GNB2: variants seen among roughly 807,000 people sequenced by gnomAD.
GNB2 encodes guanine nucleotide-binding protein G(I)/G(S)/G(T) subunit beta-2.
GNB2 carries 7 observed loss-of-function variants against 40.7 expected under a neutral mutation model. The ratio of observed to expected loss-of-function variants is 0.17; its 90% CI spans 0.10 to 0.32. The LOEUF (loss-of-function observed/expected upper bound fraction) is 0.32, where lower values mean the gene tolerates loss of function less well. GNB2 is among the 10% of genes least tolerant of loss of function. GNB2 has a pLI of 1.00. For missense variants in GNB2, 286 were observed against 473.0 expected (o/e 0.60, Z 3.67); for synonymous variants, 254 against 191.2 (o/e 1.33, Z -2.71).
At position 100,678,429 on chromosome 7, in the gene GNB2, G is replaced by T. The variant is rs757652261; in HGVS notation, c.731G>T (p.Gly244Val). The change falls in exon 9 of 10, where the codon GGC (glycine) becomes GTC (valine). Residue 244 changes from glycine to valine, a missense_variant. Coordinates refer to ENST00000303210, the MANE Select transcript of GNB2 (RefSeq NM_005273.4). Reference protein sequence around the residue: ...FFPNGYAFTTGSDDATCRLFD... With the variant: ...FFPNGYAFTTVSDDATCRLFD... ...CCCAACGGCTACGCCTTCACCACCG[G>T]CTCTGACGACGCCACGTGCCGCCTC... is the stretch of plus-strand genomic sequence containing the variant. 1 of 1,613,612 alleles carries T rather than the reference G, an allele frequency of 6.2e-7. No individual in the cohort carries two copies.
chr7:100,676,468 CTCT>C, intron 2 of GNB2, 64 bp from the exon 3 acceptor site: 1 of 1,417,604 alleles, frequency 7.1e-7, no homozygotes, highest in East Asian at 2.3e-5. Context: ...GTCTTCTGTT[CTCT>C]TCTCTCCCTT....
rs575252465 is a variant in GNB2, at chr7:100,678,970, A to T, written c.*169A>T. Reference sequence around the variant, plus strand: ...TCCTCCCGGGGCCCCCACTGTGGAGATAAGAAGGGGATGGAATGGGGGAAG... The same window carrying T: ...TCCTCCCGGGGCCCCCACTGTGGAGTTAAGAAGGGGATGGAATGGGGGAAG... On this transcript the variant is annotated 3_prime_UTR_variant, in exon 10 of 10. Coordinates refer to ENST00000303210, the MANE Select transcript of GNB2 (RefSeq NM_005273.4). The T allele has an allele frequency of 1.7e-6, 1 of 600,158 alleles. No individual in the cohort carries two copies. Among genetic ancestry groups the T allele is most frequent in the South Asian group, 2.0e-5 (1 of 49,396 alleles). The allele number at this position is 600,158 out of a possible 1,614,324, so 37.2% of individuals were successfully genotyped here.
Position 100,678,861 on chromosome 7 carries a change from C to A in GNB2, c.*60C>A. ...GCCCTGCCCATGCCCACACTACAGG[C>A]CAGGGCTGCGGGGCTGGCGCAATCC... On this transcript the variant is annotated 3_prime_UTR_variant, in exon 10 of 10. Coordinates refer to ENST00000303210, the MANE Select transcript of GNB2 (RefSeq NM_005273.4). 1 of 1,320,268 alleles carries A rather than the reference C, an allele frequency of 7.6e-7. No individual in the cohort carries two copies. Among genetic ancestry groups the A allele is most frequent in the Non-Finnish European group, 1.1e-6 (1 of 922,274 alleles). 81.8% of individuals were successfully genotyped at this position (1,320,268 alleles called of 1,614,324 possible). A position where few individuals can be genotyped will look rare whatever the true frequency, so the allele number is the denominator to read the frequency against.
At position 100,676,788 on chromosome 7, in the gene GNB2, G is replaced by T; in HGVS notation, c.192G>T (p.Gly64=). 6.3e-7 allele frequency: 1 copy of T among 1,579,760 alleles called. No individual in the cohort carries two copies. Among genetic ancestry groups the T allele is most frequent in the Non-Finnish European group, 8.6e-7 (1 of 1,161,214 alleles). ...CAAAGATCTATGCCATGCACTGGGG[G>T]ACCGACTCAAGGTGTGTGTGTGTGC... ...HLAKIYAMHW[G]TDSRLLVSAS... is the part of the protein sequence containing the mutation. Residue 64 remains glycine (G), a synonymous_variant, in exon 4 of 10, where the codon GGG becomes GGT. Coordinates refer to ENST00000303210, the MANE Select transcript of GNB2 (RefSeq NM_005273.4).
chr7:100,676,235 G>A lies in GNB2; in HGVS notation c.-31G>A, dbSNP rs1804343506. ...AGCCCCCGTCCCGCGGCCCCCAGCC[G>A]CCCCCAACCCTGCCCCACGGGCCCG... On this transcript the variant is annotated 5_prime_UTR_variant, in exon 2 of 10. Coordinates refer to ENST00000303210, the MANE Select transcript of GNB2 (RefSeq NM_005273.4). 3 of 1,383,408 alleles carry A rather than the reference G, an allele frequency of 2.2e-6. No individual in the cohort carries two copies. The highest frequency in any genetic ancestry group is 2.4e-5 in the East Asian group (1 of 41,662). 85.7% of individuals were successfully genotyped at this position (1,383,408 alleles called of 1,614,324 possible).
At position 100,678,171 on chromosome 7, in the gene GNB2, T is replaced by G. The variant is rs781614369; in HGVS notation, c.571T>G (p.Ser191Ala). Reference protein sequence around the residue: ...AGHSGDVMSLSLAPDGRTFVS... With the variant: ...AGHSGDVMSLALAPDGRTFVS... ...ACACAGTGGGGATGTGATGTCCCTG[T>G]CCCTGGCCCCCGATGGCCGCACGTT... Residue 191 changes from serine to alanine, a missense_variant, in exon 8 of 10, where the codon TCC (serine) becomes GCC (alanine). Coordinates refer to ENST00000303210, the MANE Select transcript of GNB2 (RefSeq NM_005273.4). The G allele has an allele frequency of 6.8e-6, 11 of 1,613,860 alleles. No individual in the cohort carries two copies. The highest frequency in any genetic ancestry group is 4.5e-5 in the East Asian group (2 of 44,892).
In GNB2 at chr7:100,676,333, G is replaced by T. The variant is rs776971909; in HGVS notation, c.57+11G>T. On this transcript the variant is annotated intron_variant, in intron 2 of 9. Transcript: ENST00000303210. Reference sequence around the variant, plus strand: ...CGGAACCAGATCCGGGTGAGGGCCTGGTGCGGGGCGGGCGATTCATGTGTA... The same window carrying T: ...CGGAACCAGATCCGGGTGAGGGCCTTGTGCGGGGCGGGCGATTCATGTGTA... 2 of 1,598,110 alleles carry T rather than the reference G, an allele frequency of 1.3e-6. No homozygotes were observed. The highest frequency in any genetic ancestry group is 2.2e-5 in the South Asian group (2 of 89,196).
At chr7:100,677,723 G>C (rs1385351789) in intron 6 of GNB2, 29 bp from the exon 7 acceptor site, 1 of 1,613,438 alleles carries the variant, frequency 6.2e-7, no homozygotes, top group Non-Finnish European at 8.5e-7. Flanking sequence ...CCTCCGTGTG[G>C]AGACCTGGCT....
Position 100,677,385 on chromosome 7 carries a change from C to G in GNB2, c.237C>G (p.Leu79=). ...LLVSASQDGK[L]IIWDSYTTNK... is the part of the protein sequence containing the mutation. ...TCAGCGCCTCCCAGGATGGGAAGCTCATCATCTGGGACAGCTACACCACCA... is the reference window on the plus strand; with the variant it reads ...TCAGCGCCTCCCAGGATGGGAAGCTGATCATCTGGGACAGCTACACCACCA... The change falls in exon 5 of 10, where the codon CTC becomes CTG. Residue 79 remains leucine (L), a synonymous_variant. Transcript: ENST00000303210. 1 of 1,613,978 alleles carries G rather than the reference C, an allele frequency of 6.2e-7. No individual in the cohort carries two copies. The highest frequency in any genetic ancestry group is 2.2e-5 in the East Asian group (1 of 44,878).
At position 100,676,714 on chromosome 7, in the gene GNB2, G is replaced by A. The variant is rs1180446881; in HGVS notation, c.118G>A (p.Val40Met). The A allele has an allele frequency of 6.2e-7, 1 of 1,612,064 alleles. No individual in the cohort carries two copies. The highest frequency in any genetic ancestry group is 1.3e-5 in the African/African-American group (1 of 74,926). The change falls in exon 4 of 10, where the codon GTG becomes ATG. Residue 40 changes from valine to methionine, a missense_variant. Transcript: ENST00000303210. ...LTQITAGLDP[V>M]GRIQMRTRRT... ...CCAGATCACAGCTGGGCTGGACCCA[G>A]TGGGGAGAATCCAGATGAGGACCCG... is the stretch of plus-strand genomic sequence containing the variant.
rs186190125 is a variant in GNB2 at position 100,676,834 on chromosome 7, G to A, written c.203+35G>A. The A allele has an allele frequency of 6.3e-6, 8 of 1,271,742 alleles. No homozygotes were observed. The East Asian group carries it at 9.9e-5, about 16-fold the overall frequency. The allele number at this position is 1,271,742 out of a possible 1,614,324, so 78.8% of individuals were successfully genotyped here. A position where few individuals can be genotyped will look rare whatever the true frequency, so the allele number is the denominator to read the frequency against. ...TGTGCGCGGGCTGGCGCTGTGGGCCGACTTTCTAGCAGGCCGTGGGAGCAG... is the reference window on the plus strand; with the variant it reads ...TGTGCGCGGGCTGGCGCTGTGGGCCAACTTTCTAGCAGGCCGTGGGAGCAG... On this transcript the variant is annotated intron_variant, in intron 4 of 9. Transcript: ENST00000303210.
chr7:100,676,719 G>A lies in GNB2; in HGVS notation c.123G>A (p.Gly41=). ...TQITAGLDPV[G]RIQMRTRRTL... is the part of the protein sequence containing the mutation. Reference sequence around the variant, plus strand: ...TCACAGCTGGGCTGGACCCAGTGGGGAGAATCCAGATGAGGACCCGGAGGA... The same window carrying A: ...TCACAGCTGGGCTGGACCCAGTGGGAAGAATCCAGATGAGGACCCGGAGGA... The change falls in exon 4 of 10, where the codon GGG becomes GGA. Residue 41 remains glycine (G), a synonymous_variant. Coordinates refer to ENST00000303210, the MANE Select transcript of GNB2 (RefSeq NM_005273.4). 1 of 1,612,050 alleles carries A rather than the reference G, an allele frequency of 6.2e-7. No individual in the cohort carries two copies. The highest frequency in any genetic ancestry group is 8.5e-7 in the Non-Finnish European group (1 of 1,178,904).
chr7:100,677,316 C>T, intron 4 of GNB2, 36 bp from the exon 5 acceptor site: 1 of 1,572,606 alleles, frequency 6.4e-7, no homozygotes, highest in South Asian at 1.1e-5. Context: ...TGTTTTCACG[C>T]CACCCTTCTG....
chr7:100,677,948 G>A, intron 7 of GNB2, 130 bp downstream of exon 7: 1 of 1,006,148 alleles, frequency 9.9e-7, no homozygotes, highest in East Asian at 2.5e-5. Context: ...GGGGGTCAGG[G>A]AGGGATGCGT....
Position 100,678,695 on chromosome 7 carries a change from G to T in GNB2, c.917G>T (p.Gly306Val). The T allele has an allele frequency of 6.2e-7, 1 of 1,613,060 alleles. No individual in the cohort carries two copies. Among genetic ancestry groups the T allele is most frequent in the Non-Finnish European group, 8.5e-7 (1 of 1,179,478 alleles). Residue 306 changes from glycine (G) to valine (V), a missense_variant and splice_region_variant, in exon 10 of 10, where the codon GGA (glycine) becomes GTA (valine). By Grantham distance (109) the Gly-to-Val change is moderately radical. Transcript: ENST00000303210. ...GTTCTGACTTCTCTCTTCTTCACAGGAGTCCTCGCTGGCCACGACAACCGC... is the reference window on the plus strand; with the variant it reads ...GTTCTGACTTCTCTCTTCTTCACAGTAGTCCTCGCTGGCCACGACAACCGC... ...IWDAMKGDRAGVLAGHDNRVS... is the reference protein window; with the variant it reads ...IWDAMKGDRAVVLAGHDNRVS...
In GNB2 at chr7:100,678,879, C is replaced by G; in HGVS notation, c.*78C>G. Reference sequence around the variant, plus strand: ...CTACAGGCCAGGGCTGCGGGGCTGGCGCAATCCCAGCCCCCTTCCCCGGGC... The same window carrying G: ...CTACAGGCCAGGGCTGCGGGGCTGGGGCAATCCCAGCCCCCTTCCCCGGGC... On this transcript the variant is annotated 3_prime_UTR_variant, in exon 10 of 10. Coordinates refer to ENST00000303210, the MANE Select transcript of GNB2 (RefSeq NM_005273.4). 8.8e-7 allele frequency: 1 copy of G among 1,136,388 alleles called. No individual in the cohort carries two copies. Among genetic ancestry groups the G allele is most frequent in the South Asian group, 1.3e-5 (1 of 75,410 alleles). The allele number at this position is 1,136,388 out of a possible 1,614,324, so 70.4% of individuals were successfully genotyped here. A position where few individuals can be genotyped will look rare whatever the true frequency, so the allele number is the denominator to read the frequency against.
At position 100,674,401 on chromosome 7, in the gene GNB2, C is replaced by T. The variant is rs185855674; in HGVS notation, c.-90+478C>T. On this transcript the variant is annotated intron_variant, in intron 1 of 9. Coordinates refer to ENST00000303210, the MANE Select transcript of GNB2 (RefSeq NM_005273.4). ...CCCTTCCTTTCGTCTCCACCCTACCCACGATTTGGGTGCTGCCCGTGGTTT... is the reference window on the plus strand; with the variant it reads ...CCCTTCCTTTCGTCTCCACCCTACCTACGATTTGGGTGCTGCCCGTGGTTT... 4.9e-3 allele frequency among the ~76,000 whole-genome samples: 748 copies of T among 152,322 alleles called. 10 individuals carry two copies. The highest frequency in any genetic ancestry group is 0.017 in the African/African-American group (711 of 41,562).
At chr7:100,676,366 C>T (rs747577659) in intron 2 of GNB2, 44 bp downstream of exon 2, 4 of 1,466,572 alleles carry the variant, frequency 2.7e-6, no homozygotes, top group East Asian at 2.3e-5. Context: ...GTACACCGCC[C>T]GGTGCCCTGG....
chr7:100,678,026 G>A, intron 7 of GNB2, 72 bp from the exon 8 acceptor site: 2 of 1,318,194 alleles, frequency 1.5e-6, no homozygotes, highest in African/African-American at 1.4e-5. Flanking sequence ...CTCACGTGGT[G>A]GGGCGGGGAG....
Sources: allele counts gnomAD v4.1 joint callset (sites outside exome capture counted in the v4.1 genomes callset), GRCh38; gene constraint gnomAD v4.1.1; transcripts MANE v1.5; gene names NCBI Gene and HGNC (gene_info 2026-07-23, HGNC 2026-07-21).